ABLIM1: variants seen among roughly 807,000 people sequenced by gnomAD.
ABLIM1 encodes the protein actin-binding LIM protein 1.
In ABLIM1, 40 loss-of-function variants were observed where a neutral mutation model predicts 107.0. The ratio of observed to expected loss-of-function variants is 0.37; its 90% CI spans 0.29 to 0.49. ABLIM1 has a LOEUF of 0.49. Among genes scored for constraint, ABLIM1 ranks in the 20% least tolerant of loss-of-function variants. The pLI is 0.97. For synonymous variants in ABLIM1, 357 were observed against 357.3 expected (o/e 1.00, Z 0.01); for missense variants, 857 against 1,008.5 (o/e 0.85, Z 2.04).
At chr10:114,598,009 C>A (rs1018476768) in intron 2 of ABLIM1, among the ~76,000 whole-genome samples, 1 of 152,122 alleles carries the variant, frequency 6.6e-6, no homozygotes, top group Non-Finnish European at 1.5e-5. Flanking sequence ...CAGTGGCTCA[C>A]GCCTGTAATC....
chr10:114,436,538 G>C (rs1349881957), intron 22 of ABLIM1, among the ~76,000 whole-genome samples, 165 bp from the exon 23 acceptor site: 1 of 152,134 alleles, frequency 6.6e-6, no homozygotes, highest in Non-Finnish European at 1.5e-5. Context: ...CCCTTACCTG[G>C]TTGGGCCAGG....
intron 22 of ABLIM1, 57 bp from the exon 23 acceptor site, chr10:114,436,430 G>A (rs778409613): frequency 4.5e-6 from 6 of 1,340,258 alleles, no homozygotes; most frequent in Non-Finnish European, 5.3e-6. Flanking sequence ...CACACAAATG[G>A]CCTTGAGCGT....
chr10:114,535,984 CT>C (rs909389893), intron 6 of ABLIM1, among the ~76,000 whole-genome samples: 23 of 152,040 alleles, frequency 1.5e-4, no homozygotes, highest in African/African-American at 5.6e-4. Flanking sequence ...CCTGCATATA[CT>C]GAGGGATGAC....
At chr10:114,575,387 G>A in intron 3 of ABLIM1, 29 bp downstream of exon 3, 4 of 1,607,764 alleles carry the variant, frequency 2.5e-6, no homozygotes, top group Non-Finnish European at 3.4e-6. Context: ...GGAGGAAGGT[G>A]TAGGCTTTGG....
intron 6 of ABLIM1, among the ~76,000 whole-genome samples, chr10:114,507,359 G>A (rs972383043): frequency 1.3e-5 from 2 of 152,172 alleles, no homozygotes; most frequent in African/African-American, 4.8e-5. Flanking sequence ...ATCTGAAGAA[G>A]GAACGAAGAC....
At chr10:114,787,811 G>C in the ABLIM1 span, among the ~76,000 whole-genome samples, 76,975 of 124,668 alleles carry the variant, frequency 0.62, 24,478 homozygotes, top group African/African-American at 0.67. Context: ...GCCCGGCCAC[G>C]ACCCCGTCTG....
At chr10:114,586,980 C>T (rs1245734660) in intron 2 of ABLIM1, among the ~76,000 whole-genome samples, 3 of 152,174 alleles carry the variant, frequency 2.0e-5, no homozygotes, top group Admixed American at 2.0e-4. Context: ...CTGCCTACCC[C>T]CATCTTCATC....
chr10:114,474,679 C>G (rs540471318), intron 8 of ABLIM1, among the ~76,000 whole-genome samples: 1 of 152,120 alleles, frequency 6.6e-6, no homozygotes, highest in Non-Finnish European at 1.5e-5. Flanking sequence ...CGCACTCAGC[C>G]GAGAGACCTT....
chr10:114,724,187 A>T (rs1381647257), intron 1 of ABLIM1, among the ~76,000 whole-genome samples: 4 of 152,236 alleles, frequency 2.6e-5, no homozygotes, highest in Admixed American at 2.0e-4. Context: ...ATTGTGCAAC[A>T]GAAAAAGCCT....
At chr10:114,604,096 T>C (rs1255655346) in intron 1 of ABLIM1, among the ~76,000 whole-genome samples, 1 of 152,174 alleles carries the variant, frequency 6.6e-6, no homozygotes, top group Non-Finnish European at 1.5e-5. Flanking sequence ...GTGCAGGGTG[T>C]TTACATAAGC....
chr10:114,555,919 A>T (rs367944071), intron 4 of ABLIM1, among the ~76,000 whole-genome samples: 3 of 152,286 alleles, frequency 2.0e-5, no homozygotes, highest in East Asian at 1.9e-4. Context: ...GGCTATACAC[A>T]TGGATAAAAA....
chr10:114,725,879 G>A lies in ABLIM1; in HGVS notation c.-213+42182C>T, dbSNP rs2081948772. Reference sequence around the variant, plus strand: ...CCTACCTCAGCCTCTCAGAGCAGCTGGAACTACAGGTGCACACCACCATGC... The same window carrying A: ...CCTACCTCAGCCTCTCAGAGCAGCTAGAACTACAGGTGCACACCACCATGC... On this transcript the variant is annotated intron_variant, in intron 1 of 15. Transcript: ENST00000651092. 5.9e-5 allele frequency among the ~76,000 whole-genome samples: 9 copies of A among 151,756 alleles called. No homozygotes were observed. The South Asian group carries it at 1.9e-3, about 32-fold the overall frequency.
chr10:114,720,668 G>C (rs1379956831), intron 1 of ABLIM1, among the ~76,000 whole-genome samples: 2 of 151,824 alleles, frequency 1.3e-5, no homozygotes, highest in African/African-American at 4.8e-5. Context: ...AAACCTCCTT[G>C]TTGACGATTT....
At chr10:114,781,558 G>A in the ABLIM1 span, among the ~76,000 whole-genome samples, 2 of 150,310 alleles carry the variant, frequency 1.3e-5, no homozygotes, top group Non-Finnish European at 3.0e-5. Flanking sequence ...ATATATGTGT[G>A]TGTGTGTGTG....
intron 4 of ABLIM1, among the ~76,000 whole-genome samples, chr10:114,564,634 T>G (rs1378874714): frequency 6.6e-6 from 1 of 152,098 alleles, no homozygotes; most frequent in Non-Finnish European, 1.5e-5. Flanking sequence ...AGCGTCTTAC[T>G]TTGTCATCAT....
At chr10:114,692,298 A>C (rs896358558) in intron 1 of ABLIM1, among the ~76,000 whole-genome samples, 4 of 152,256 alleles carry the variant, frequency 2.6e-5, no homozygotes, top group Non-Finnish European at 5.9e-5. Flanking sequence ...ACTTTCAAAA[A>C]GACTTTCAAA....
At chr10:114,743,882 T>A (rs1192983428) in intron 1 of ABLIM1, among the ~76,000 whole-genome samples, 1 of 152,196 alleles carries the variant, frequency 6.6e-6, no homozygotes, top group African/African-American at 2.4e-5. Context: ...AAAAGCTGCC[T>A]TCTGGAGGGA....
At chr10:114,571,435 G>T in intron 3 of ABLIM1, 29 bp from the exon 4 acceptor site, 4 of 1,596,412 alleles carry the variant, frequency 2.5e-6, no homozygotes, top group Non-Finnish European at 2.6e-6. Flanking sequence ...CGCCCTCAAG[G>T]TTATTGCAGC....
At chr10:114,504,942 A>G (rs967124308) in intron 6 of ABLIM1, among the ~76,000 whole-genome samples, 2 of 152,222 alleles carry the variant, frequency 1.3e-5, no homozygotes, top group Non-Finnish European at 2.9e-5. Flanking sequence ...GTCATATGAC[A>G]TGGAGAGAGG....
Sources: gnomAD v4.1 joint callset for allele counts (sites outside exome capture counted in the v4.1 genomes callset) on GRCh38, gnomAD v4.1.1 for gene constraint, MANE v1.5 for transcripts, NCBI Gene and HGNC (gene_info 2026-07-23, HGNC 2026-07-21) for gene names.